Variants in LRRC7 observed in about 807,000 individuals in gnomAD.
LRRC7 encodes the protein leucine-rich repeat-containing protein 7.
In LRRC7, 23 loss-of-function variants were observed where a neutral mutation model predicts 175.7. The ratio of observed to expected loss-of-function variants is 0.13; its 90% CI spans 0.09 to 0.19. The LOEUF (loss-of-function observed/expected upper bound fraction) is 0.19. LRRC7 is among the 10% of genes least tolerant of loss of function. LRRC7 has a pLI of 1.00. For missense variants in LRRC7, 1,354 were observed against 1,904.7 expected (o/e 0.71, Z 5.38); for synonymous variants, 685 against 680.9 (o/e 1.01, Z -0.09).
rs570418341 is a variant in LRRC7 at position 70,107,655 on chromosome 1, G to A, written c.4546-97G>A. 66 of 845,242 alleles carry A rather than the reference G, an allele frequency of 7.8e-5. 1 individual carries two copies. In the South Asian group the frequency reaches 8.4e-4, roughly 11 times the overall value. 52.4% of individuals were successfully genotyped at this position (845,242 alleles called of 1,614,324 possible). A position where few individuals can be genotyped will look rare whatever the true frequency, so the allele number is the denominator to read the frequency against. On this transcript the variant is annotated intron_variant, in intron 25 of 26. Coordinates refer to ENST00000651989, the MANE Select transcript of LRRC7 (RefSeq NM_001370785.2). ...AGCCTACATGCATAAACTGTTTCTG[G>A]ATCTGTTTTCACTGTTTTCTATGTG... is the stretch of plus-strand genomic sequence containing the variant.
Position 70,125,600 on chromosome 1 carries a change from A to G in LRRC7, c.*3713A>G, listed in dbSNP as rs578193577. Among the ~76,000 whole-genome samples, 2,274 of 151,938 alleles carry G rather than the reference A, an allele frequency of 0.015. 33 individuals are homozygous for G. The highest frequency in any genetic ancestry group is 0.048 in the South Asian group (233 of 4,806). On this transcript the variant is annotated 3_prime_UTR_variant, in exon 27 of 27. Coordinates refer to ENST00000651989, the MANE Select transcript of LRRC7 (RefSeq NM_001370785.2). ...GAGGTCAGGAGATCGAGACCATCCC[A>G]GCTAAAACGGTGAAACCCCGTCTCT...
chr1:69,591,742 A>C (rs1646643938), intron 1 of LRRC7, among the ~76,000 whole-genome samples: 1 of 152,054 alleles, frequency 6.6e-6, no homozygotes, highest in African/African-American at 2.4e-5. Context: ...TTCTTCATCC[A>C]ATCAGAATAA....
intron 1 of LRRC7, among the ~76,000 whole-genome samples, chr1:69,672,910 G>T (rs1047655875): frequency 3.1e-4 from 47 of 152,118 alleles, no homozygotes; most frequent in African/African-American, 1.1e-3. Context: ...TGACCTCCAG[G>T]CAACTTGGCA....
At chr1:69,814,930 G>A (rs990351622) in intron 4 of LRRC7, among the ~76,000 whole-genome samples, 1 of 152,036 alleles carries the variant, frequency 6.6e-6, no homozygotes, top group Non-Finnish European at 1.5e-5. Context: ...TGTTTGTTTT[G>A]TTGATTTTAT....
chr1:69,897,991 T>C (rs564643882), intron 7 of LRRC7, among the ~76,000 whole-genome samples: 2 of 152,326 alleles, frequency 1.3e-5, no homozygotes, highest in East Asian at 1.9e-4. Flanking sequence ...ATGGAAGACA[T>C]GGTAACCAGT....
chr1:69,883,762 T>A (rs1296557969), intron 7 of LRRC7, among the ~76,000 whole-genome samples: 1 of 90,284 alleles, frequency 1.1e-5, no homozygotes, highest in Non-Finnish European at 2.3e-5. Flanking sequence ...AACGTTTAAG[T>A]CTTTAATCCA....
intron 10 of LRRC7, among the ~76,000 whole-genome samples, chr1:69,992,432 A>G (rs1353605182): frequency 6.6e-6 from 1 of 152,104 alleles, no homozygotes; most frequent in Non-Finnish European, 1.5e-5. Flanking sequence ...AAGGAATAGG[A>G]TAAAATACCG....
At chr1:69,741,579 A>G (rs1347584001) in intron 2 of LRRC7, among the ~76,000 whole-genome samples, 4 of 151,840 alleles carry the variant, frequency 2.6e-5, no homozygotes, top group Non-Finnish European at 5.9e-5. Context: ...GACAGTGATT[A>G]GCGTAGAAAG....
Position 69,751,386 on chromosome 1 carries a change from A to G in LRRC7, c.101-8805A>G, listed in dbSNP as rs147645282. Among the ~76,000 whole-genome samples the G allele has an allele frequency of 1.5e-4, 23 of 152,254 alleles. No individual in the cohort carries two copies. In the East Asian group the frequency reaches 4.4e-3, roughly 29 times the overall value. ...GTGCAGTATTTTCATTGGCATTACT[A>G]CTAGAAGATGGCAAGGGTCTGAATT... is the stretch of plus-strand genomic sequence containing the variant. On this transcript the variant is annotated intron_variant, in intron 2 of 26. Coordinates refer to ENST00000651989, the MANE Select transcript of LRRC7 (RefSeq NM_001370785.2).
chr1:70,012,830 A>G (rs2101954518), intron 12 of LRRC7, 144 bp from the exon 13 acceptor site: 2 of 328,240 alleles, frequency 6.1e-6, no homozygotes, highest in South Asian at 6.2e-5. Context: ...TATTTTAAAG[A>G]GCTACATTAT....
intron 4 of LRRC7, among the ~76,000 whole-genome samples, chr1:69,811,623 A>T (rs1267047231): frequency 2.0e-5 from 3 of 152,152 alleles, no homozygotes; most frequent in African/African-American, 4.8e-5. Flanking sequence ...CTTTGCCGGG[A>T]CCTGGATGAA....
At chr1:70,078,518 C>A (rs1006892241) in intron 24 of LRRC7, among the ~76,000 whole-genome samples, 2 of 152,182 alleles carry the variant, frequency 1.3e-5, no homozygotes, top group African/African-American at 2.4e-5. Flanking sequence ...TTCCAGCACA[C>A]CACTGACTAC....
Position 69,825,837 on chromosome 1 carries a change from G to A in LRRC7, c.500+11G>A. 1 of 1,530,166 alleles carries A rather than the reference G, an allele frequency of 6.5e-7. No homozygotes were observed. Among genetic ancestry groups the A allele is most frequent in the Non-Finnish European group, 9.0e-7 (1 of 1,116,566 alleles). 94.8% of individuals were successfully genotyped at this position (1,530,166 alleles called of 1,614,324 possible). ...CAATCCCATTTCTAAGTGAGTATGAGTGATTAAATTTTATTTGTATTTATA... is the reference window on the plus strand; with the variant it reads ...CAATCCCATTTCTAAGTGAGTATGAATGATTAAATTTTATTTGTATTTATA... On this transcript the variant is annotated intron_variant, in intron 5 of 26. Coordinates refer to ENST00000651989, the MANE Select transcript of LRRC7 (RefSeq NM_001370785.2).
chr1:70,021,741 A>G (rs2101976222), intron 16 of LRRC7, among the ~76,000 whole-genome samples: 1 of 152,292 alleles, frequency 6.6e-6, no homozygotes, highest in Non-Finnish European at 1.5e-5. Flanking sequence ...TATAGGGACT[A>G]CTAGGTCAAG....
At chr1:69,868,075 T>G (rs1451416089) in intron 7 of LRRC7, among the ~76,000 whole-genome samples, 2 of 152,104 alleles carry the variant, frequency 1.3e-5, no homozygotes, top group African/African-American at 4.8e-5. Context: ...CAAAAACATC[T>G]TCTGAATTTC....
At chr1:70,082,975 G>A (rs1663336620) in intron 24 of LRRC7, among the ~76,000 whole-genome samples, 1 of 151,190 alleles carries the variant, frequency 6.6e-6, no homozygotes, top group Non-Finnish European at 1.5e-5. Flanking sequence ...AGTAGAGATG[G>A]AGTTTCGCCA....
At chr1:69,736,752 G>T (rs1668159184) in intron 2 of LRRC7, among the ~76,000 whole-genome samples, 2 of 152,104 alleles carry the variant, frequency 1.3e-5, no homozygotes, top group Admixed American at 1.3e-4. Context: ...CAGGCTGCGG[G>T]TTCTTTCTCT....
intron 25 of LRRC7, among the ~76,000 whole-genome samples, chr1:70,099,776 T>C (rs1050755783): frequency 6.6e-6 from 1 of 152,092 alleles, no homozygotes; most frequent in Non-Finnish European, 1.5e-5. Context: ...ATGTTATTTG[T>C]GAAGCTGAGA....
At chr1:69,666,953 T>C (rs182239177) in intron 1 of LRRC7, among the ~76,000 whole-genome samples, 40 of 152,262 alleles carry the variant, frequency 2.6e-4, no homozygotes, top group Non-Finnish European at 5.1e-4. Flanking sequence ...AGCTATAAAC[T>C]TCCTTCTTGG....
Sources: gnomAD v4.1 joint callset for allele counts (sites outside exome capture counted in the v4.1 genomes callset) on GRCh38, gnomAD v4.1.1 for gene constraint, MANE v1.5 for transcripts, NCBI Gene and HGNC (gene_info 2026-07-23, HGNC 2026-07-21) for gene names.